Variants in CACNG4 observed in about 807,000 individuals in gnomAD.
The protein encoded by CACNG4 is voltage-dependent calcium channel gamma-4 subunit.
In CACNG4, 8 loss-of-function variants were observed where a neutral mutation model predicts 22.9. The observed-to-expected ratio is 0.35, with a 90% confidence interval of 0.21 to 0.63. The LOEUF (loss-of-function observed/expected upper bound fraction) is 0.63, where lower values mean the gene tolerates loss of function less well. Ranked by LOEUF, CACNG4 falls within the 30% of genes least tolerant of loss-of-function variation. The pLI, the probability that CACNG4 is intolerant of heterozygous loss-of-function variation, is 0.72. For synonymous variants in CACNG4, 188 were observed against 191.9 expected, an observed-to-expected ratio of 0.98 and a Z score of 0.17; for missense variants, 357 against 455.4, an observed-to-expected ratio of 0.78 and a Z score of 1.97.
At chr17:66,983,466 G>A (rs2143294792) in intron 1 of CACNG4, among the ~76,000 whole-genome samples, 1 of 152,316 alleles carries the variant, frequency 6.6e-6, no homozygotes, top group South Asian at 2.1e-4. Flanking sequence ...GAAGAGAGCA[G>A]GACCCGCCCC....
rs138566244 is a variant in CACNG4 at position 66,993,535 on chromosome 17, C to G, written c.221-24654C>G. ...CCATTGCCAGGTCACCAGGGCACTCCCACGCCTGTTCTTGCACACACAAGG... is the reference window on the plus strand; with the variant it reads ...CCATTGCCAGGTCACCAGGGCACTCGCACGCCTGTTCTTGCACACACAAGG... On this transcript the variant is annotated intron_variant, in intron 1 of 3. Coordinates refer to ENST00000262138, the MANE Select transcript of CACNG4 (RefSeq NM_014405.4). Among the ~76,000 whole-genome samples the G allele has an allele frequency of 1.4e-3, 219 of 152,312 alleles. 1 individual carries two copies. The highest frequency in any genetic ancestry group is 4.9e-3 in the African/African-American group (202 of 41,558).
chr17:67,025,015 C>T lies in CACNG4; in HGVS notation c.445+15C>T, dbSNP rs375772738. 1.0e-4 allele frequency: 164 copies of T among 1,573,462 alleles called. No homozygotes were observed. The highest frequency in any genetic ancestry group is 3.4e-4 in the Middle Eastern group (2 of 5,932). Reference sequence around the variant, plus strand: ...CGTGGCTGCAGGTGAGCCGCCCGCCCGGGCTGGTGCTGGGCCGGGAGCTGG... The same window carrying T: ...CGTGGCTGCAGGTGAGCCGCCCGCCTGGGCTGGTGCTGGGCCGGGAGCTGG... On this transcript the variant is annotated intron_variant, in intron 3 of 3. Transcript: ENST00000262138.
intron 1 of CACNG4, among the ~76,000 whole-genome samples, chr17:67,015,450 CCTGA>C (rs2035491462): frequency 6.6e-6 from 1 of 152,146 alleles, no homozygotes; most frequent in African/African-American, 2.4e-5. Context: ...TGTTCTGTAT[CCTGA>C]CTGTCAATGT....
At chr17:67,025,119 G>A (rs1366505374) in intron 3 of CACNG4, 119 bp downstream of exon 3, 12 of 933,316 alleles carry the variant, frequency 1.3e-5, no homozygotes, top group Admixed American at 3.8e-5. Flanking sequence ...ACATAACATC[G>A]CCACATGCAA....
intron 1 of CACNG4, among the ~76,000 whole-genome samples, chr17:66,974,480 G>T (rs1218758153): frequency 1.3e-5 from 2 of 152,200 alleles, no homozygotes; most frequent in African/African-American, 4.8e-5. Flanking sequence ...CCAGGCAGCT[G>T]TGTAGCTTTG....
At chr17:67,028,883 C>T (rs1180381118) in intron 3 of CACNG4, among the ~76,000 whole-genome samples, 1 of 152,204 alleles carries the variant, frequency 6.6e-6, no homozygotes, top group African/African-American at 2.4e-5. Flanking sequence ...CCCATATTGG[C>T]AAAGAACCAG....
At chr17:67,001,785 A>T (rs1272509437) in intron 1 of CACNG4, among the ~76,000 whole-genome samples, 1 of 152,240 alleles carries the variant, frequency 6.6e-6, no homozygotes, top group Non-Finnish European at 1.5e-5. Flanking sequence ...TGATTCCATA[A>T]GGAATGGAAG....
chr17:67,005,001 G>A (rs2035429041), intron 1 of CACNG4, among the ~76,000 whole-genome samples: 1 of 152,200 alleles, frequency 6.6e-6, no homozygotes, highest in Admixed American at 6.5e-5. Flanking sequence ...TGGGATTACA[G>A]TTGTGAGGCA....
At chr17:67,007,384 C>T (rs189190477) in intron 1 of CACNG4, among the ~76,000 whole-genome samples, 1 of 152,324 alleles carries the variant, frequency 6.6e-6, no homozygotes, top group Non-Finnish European at 1.5e-5. Context: ...CTAATTGGAA[C>T]AGTCTAGTCT....
At chr17:66,992,988 C>T (rs1001567871) in intron 1 of CACNG4, among the ~76,000 whole-genome samples, 1 of 152,240 alleles carries the variant, frequency 6.6e-6, no homozygotes, top group Admixed American at 6.5e-5. Flanking sequence ...CCAGAGGGAG[C>T]GCCCACCTTG....
rs548673427 is a variant in CACNG4 at position 66,984,625 on chromosome 17, G to A, written c.220+19494G>A. Among the ~76,000 whole-genome samples, 2 of 152,276 alleles carry A rather than the reference G, an allele frequency of 1.3e-5. No individual in the cohort carries two copies. The highest frequency in any genetic ancestry group is 4.1e-4 in the South Asian group (2 of 4,822). ...GGGAACAGGGTTTGACCTTCTGGAG[G>A]AGAAAGATACTCCTGTATCTGCAGA... is the stretch of plus-strand genomic sequence containing the variant. On this transcript the variant is annotated intron_variant, in intron 1 of 3. Transcript: ENST00000262138. This position sits in a 1 kb window ranked among gnomAD's most constrained non-coding sequence, Gnocchi z 4.0.
chr17:66,988,066 T>G (rs187859803), intron 1 of CACNG4, among the ~76,000 whole-genome samples: 2,244 of 147,446 alleles, frequency 0.015, 42 homozygotes, highest in African/African-American at 0.054. Context: ...TATATATATA[T>G]ACACACACAC....
intron 1 of CACNG4, among the ~76,000 whole-genome samples, chr17:67,016,595 T>C (rs914466206): frequency 1.3e-5 from 2 of 152,174 alleles, no homozygotes; most frequent in Non-Finnish European, 2.9e-5. Context: ...CCTGACTGAC[T>C]GAGGCAACAG....
intron 1 of CACNG4, among the ~76,000 whole-genome samples, chr17:66,985,880 G>T (rs1483909258): frequency 6.6e-6 from 1 of 152,038 alleles, no homozygotes; most frequent in African/African-American, 2.4e-5. Flanking sequence ...GGTCAGGGAA[G>T]TTTCTAGATG....
intron 2 of CACNG4, among the ~76,000 whole-genome samples, chr17:67,019,571 C>G (rs560692898): frequency 6.6e-6 from 1 of 152,240 alleles, no homozygotes; most frequent in Non-Finnish European, 1.5e-5. Flanking sequence ...GGTGCTCAGC[C>G]TAGCTGGGAT....
intron 1 of CACNG4, among the ~76,000 whole-genome samples, chr17:67,015,571 T>C (rs2035492312): frequency 6.6e-6 from 1 of 152,178 alleles, no homozygotes; most frequent in African/African-American, 2.4e-5. Flanking sequence ...CAACTGCATG[T>C]GACTCTACAA....
intron 1 of CACNG4, among the ~76,000 whole-genome samples, chr17:67,010,020 A>G (rs1435896657): frequency 6.6e-6 from 1 of 150,934 alleles, no homozygotes; most frequent in African/African-American, 2.4e-5. Flanking sequence ...CATCACTGCT[A>G]CCCAACCATG....
chr17:66,989,893 TTTTC>T (rs1459716374), intron 1 of CACNG4, among the ~76,000 whole-genome samples: 3 of 145,658 alleles, frequency 2.1e-5, no homozygotes, highest in Non-Finnish European at 4.5e-5. Flanking sequence ...CATGAAAATT[TTTTC>T]TTTCTTTCTG....
chr17:66,964,863 C>T lies in CACNG4; in HGVS notation c.-49C>T. Reference sequence around the variant, plus strand: ...CGGCGCGCGGAGGGAGGAGGGCGGGCGGGCGCGGCGGGCCGGGCCGGCGGG... The same window carrying T: ...CGGCGCGCGGAGGGAGGAGGGCGGGTGGGCGCGGCGGGCCGGGCCGGCGGG... On this transcript the variant is annotated 5_prime_UTR_variant, in exon 1 of 4. Coordinates refer to ENST00000262138, the MANE Select transcript of CACNG4 (RefSeq NM_014405.4). 1.7e-6 allele frequency: 2 copies of T among 1,146,406 alleles called. No homozygotes were observed. The highest frequency in any genetic ancestry group is 1.1e-6 in the Non-Finnish European group (1 of 918,206). The allele number at this position is 1,146,406 out of a possible 1,614,324, so 71.0% of individuals were successfully genotyped here.
Sources: allele counts gnomAD v4.1 joint callset (sites outside exome capture counted in the v4.1 genomes callset), GRCh38; gene constraint gnomAD v4.1.1; non-coding constraint Gnocchi (gnomAD v3.1); transcripts MANE v1.5; gene names NCBI Gene and HGNC (gene_info 2026-07-23, HGNC 2026-07-21).